Variants in ERCC1 observed in about 807,000 individuals in gnomAD.
The protein encoded by ERCC1 is ERCC excision repair 1, endonuclease non-catalytic subunit, also known as DNA excision repair protein ERCC-1.
ERCC1 carries 36 observed loss-of-function variants against 37.6 expected under a neutral mutation model. The observed-to-expected ratio is 0.96, with a 90% CI of 0.73 to 1.26. The LOEUF is 1.26. Among genes scored for constraint, ERCC1 ranks in the 50% most tolerant of loss-of-function variants. The pLI is 0.00. For missense variants in ERCC1, 349 were observed against 376.5 expected, an observed-to-expected ratio of 0.93 and a Z score of 0.60; for synonymous variants, 156 against 162.1, an observed-to-expected ratio of 0.96 and a Z score of 0.28.
chr19:45,414,247 G>A (rs531774774), intron 7 of ERCC1: 18 of 602,122 alleles, frequency 3.0e-5, no homozygotes, highest in African/African-American at 2.0e-4. Context: ...AGGCCGAGGC[G>A]GGAGGATCAC....
At chr19:45,432,907 C>G (rs960392639) in intron 1 of ERCC1, among the ~76,000 whole-genome samples, 1 of 151,938 alleles carries the variant, frequency 6.6e-6, no homozygotes, top group East Asian at 1.9e-4. Flanking sequence ...ATGGATAAAC[C>G]CTGTCTCTAC....
At chr19:45,444,859 TCTGA>T (rs1387981979) in intron 1 of ERCC1, among the ~76,000 whole-genome samples, 2 of 152,170 alleles carry the variant, frequency 1.3e-5, no homozygotes, top group Non-Finnish European at 2.9e-5. Context: ...ACTTCCCCTC[TCTGA>T]CTCTGTTTCT....
rs201059197 is a variant in ERCC1, at chr19:45,409,899, T to TA, written c.844-175_844-174insT. 58 of 259,366 alleles carry TA rather than the reference T, an allele frequency of 2.2e-4. 1 individual carries two copies. The highest frequency in any genetic ancestry group is 9.1e-4 in the African/African-American group (38 of 41,878). The allele number at this position is 259,366 out of a possible 1,614,324, so 16.1% of individuals were successfully genotyped here. A position where few individuals can be genotyped will look rare whatever the true frequency, so the allele number is the denominator to read the frequency against. Reference sequence around the variant, plus strand: ...TAAGTTATTATTATTATTATTATTTTTTTTTTTTTTGAGATGGAGTCTCGC... The same window carrying TA: ...TAAGTTATTATTATTATTATTATTTTATTTTTTTTTTGAGATGGAGTCTCGC... On this transcript the variant is annotated intron_variant, in intron 9 of 9. Transcript: ENST00000300853.
chr19:45,419,528 G>A (rs1040397914), intron 4 of ERCC1: 2 of 355,702 alleles, frequency 5.6e-6, no homozygotes, highest in Non-Finnish European at 1.1e-5. Context: ...ATGGCTCGCG[G>A]TGGGAAGCAG....
At chr19:45,439,274 A>G (rs574054124) in intron 1 of ERCC1, among the ~76,000 whole-genome samples, 7 of 152,298 alleles carry the variant, frequency 4.6e-5, no homozygotes, top group African/African-American at 1.7e-4. Context: ...GTCCAAGCTC[A>G]AGTTGAAATG....
intron 1 of ERCC1, among the ~76,000 whole-genome samples, chr19:45,447,467 G>T (rs1966983747): frequency 6.6e-6 from 1 of 151,894 alleles, no homozygotes; most frequent in Non-Finnish European, 1.5e-5. Context: ...TAGAGACAGG[G>T]TTTCACCATG....
intron 1 of ERCC1, among the ~76,000 whole-genome samples, chr19:45,446,819 G>A (rs1259738422): frequency 1.3e-5 from 2 of 152,154 alleles, no homozygotes; most frequent in Non-Finnish European, 2.9e-5. Flanking sequence ...CCAACATGGT[G>A]AAACCTCATC....
chr19:45,422,547 C>T (rs1332685709), intron 2 of ERCC1, among the ~76,000 whole-genome samples: 2 of 152,110 alleles, frequency 1.3e-5, no homozygotes, highest in African/African-American at 2.4e-5. Flanking sequence ...CCGAGGTGGG[C>T]GGATCACTTG....
intron 1 of ERCC1, among the ~76,000 whole-genome samples, chr19:45,447,302 A>G (rs1599869106): frequency 1.7e-5 from 2 of 120,222 alleles, no homozygotes; most frequent in Admixed American, 1.0e-4. Context: ...TGAGACAGAG[A>G]TTTGCTCTTG....
intron 1 of ERCC1, among the ~76,000 whole-genome samples, chr19:45,430,583 T>C (rs955730777): frequency 6.6e-6 from 1 of 151,896 alleles, no homozygotes; most frequent in Non-Finnish European, 1.5e-5. Flanking sequence ...CCTTAGGGGG[T>C]TCCCCAGCAC....
At chr19:45,434,310 G>A (rs368061713) in intron 1 of ERCC1, among the ~76,000 whole-genome samples, 6 of 143,522 alleles carry the variant, frequency 4.2e-5, no homozygotes, top group Admixed American at 7.3e-5. Context: ...GTGAAACACC[G>A]TGTCTCTCCA....
At position 45,409,246 on chromosome 19, in the gene ERCC1, GAA is replaced by G. The variant is rs1364245324; in HGVS notation, c.*427_*428del. On this transcript the variant is annotated 3_prime_UTR_variant, in exon 10 of 10. Transcript: ENST00000300853. ...CCACATCCACCAAGAAGAAGAAGAA[GAA>G]GAAAGAGAGAGGTCACACAGTGACT... 16 of 1,613,616 alleles carry G rather than the reference GAA, an allele frequency of 9.9e-6. No individual in the cohort carries two copies. Among genetic ancestry groups the G allele is most frequent in the Admixed American group, 1.7e-5 (1 of 59,954 alleles).
chr19:45,426,572 T>G (rs1236329732), upstream of ERCC1, among the ~76,000 whole-genome samples: 1 of 150,432 alleles, frequency 6.6e-6, no homozygotes, highest in East Asian at 2.0e-4. Flanking sequence ...AAAAAATTTT[T>G]TTTGAGACAA....
intron 1 of ERCC1, among the ~76,000 whole-genome samples, chr19:45,432,065 G>A (rs1035306696): frequency 1.3e-5 from 2 of 151,836 alleles, no homozygotes; most frequent in Non-Finnish European, 2.9e-5. Flanking sequence ...TCCGCCTCCC[G>A]GGTTCAAGCA....
rs113024236 is a variant in ERCC1 at position 45,442,156 on chromosome 19, A to T, written c.-7-18775T>A. On this transcript the variant is annotated intron_variant, in intron 1 of 8. Transcript: ENST00000423698. The stretch of plus-strand genomic sequence containing the variant: ...GTGAGATCTCATCTCTGGGAAAAAA[A>T]TTTTTTTTAATTAGCCAAGTGTGGT... Among the ~76,000 whole-genome samples, 300 of 143,990 alleles carry T rather than the reference A, an allele frequency of 2.1e-3. 1 individual carries two copies. The highest frequency in any genetic ancestry group is 6.7e-3 in the African/African-American group (261 of 38,988). 94.5% of individuals were successfully genotyped at this position (143,990 alleles called of 152,430 possible).
Position 45,417,247 on chromosome 19 carries a change from C to G in ERCC1, c.526-350G>C, listed in dbSNP as rs568043882. ...TGCTAGGACCCAGCAGTGGCTGAGA[C>G]AGCCCTGACTCTGCCCTCCCAGGGC... is the stretch of plus-strand genomic sequence containing the variant. On this transcript the variant is annotated intron_variant, in intron 5 of 9. Transcript: ENST00000300853. 3.9e-5 allele frequency among the ~76,000 whole-genome samples: 6 copies of G among 152,326 alleles called. No homozygotes were observed. In the South Asian group the frequency reaches 1.0e-3, roughly 26 times the overall value.
upstream of ERCC1, among the ~76,000 whole-genome samples, chr19:45,428,073 TTC>T (rs1974740535): frequency 7.2e-6 from 1 of 138,992 alleles, no homozygotes; most frequent in Non-Finnish European, 1.5e-5. Context: ...TTCTTTTTCT[TTC>T]TTTCTTTCTT....
At chr19:45,428,051 TC>T (rs1465359724), upstream of ERCC1, among the ~76,000 whole-genome samples, 1 of 151,684 alleles carries the variant, frequency 6.6e-6, no homozygotes, top group African/African-American at 2.4e-5. Context: ...ACCCTCAGTT[TC>T]TTTTCTTTTT....
At chr19:45,423,420 G>A in intron 1 of ERCC1, 39 bp from the exon 2 acceptor site, 1 of 1,574,284 alleles carries the variant, frequency 6.4e-7, no homozygotes, top group Non-Finnish European at 8.6e-7. Flanking sequence ...AGCCACTGGC[G>A]TCTACGTTCT....
Sources: gnomAD v4.1 joint callset for allele counts (sites outside exome capture counted in the v4.1 genomes callset) on GRCh38, gnomAD v4.1.1 for gene constraint, MANE v1.5 for transcripts, NCBI Gene and HGNC (gene_info 2026-07-23, HGNC 2026-07-21) for gene names.